Variants in C3orf70 observed in about 807,000 individuals in gnomAD.
The protein encoded by C3orf70 is chromosome 3 open reading frame 70, also known as UPF0524 protein C3orf70.
In C3orf70, 15 loss-of-function variants were observed where a neutral mutation model predicts 20.7. The observed-to-expected ratio is 0.72, with a 90% CI of 0.48 to 1.11. The LOEUF (loss-of-function observed/expected upper bound fraction) is 1.11, where lower values mean the gene tolerates loss of function less well. Among genes scored for constraint, C3orf70 ranks in the 50% most tolerant of loss-of-function variants. The pLI is 0.00. For missense variants in C3orf70, 332 were observed against 317.6 expected, an observed-to-expected ratio of 1.05 and a Z score of -0.34; for synonymous variants, 161 against 125.7, an observed-to-expected ratio of 1.28 and a Z score of -1.88.
At chr3:185,117,023 C>T (rs1039175354) in intron 1 of C3orf70, among the ~76,000 whole-genome samples, 3 of 152,072 alleles carry the variant, frequency 2.0e-5, no homozygotes, top group Admixed American at 6.5e-5. Context: ...CCTCGTGATC[C>T]GCCCGCCTCA....
At chr3:185,139,733 T>C (rs1314931027) in intron 1 of C3orf70, among the ~76,000 whole-genome samples, 2 of 152,094 alleles carry the variant, frequency 1.3e-5, no homozygotes, top group Non-Finnish European at 2.9e-5. Flanking sequence ...AATGGTGGAA[T>C]GATAATCTTT....
Position 185,106,300 on chromosome 3 carries a change from A to T in C3orf70, c.197-22737T>A, listed in dbSNP as rs118002807. On this transcript the variant is annotated intron_variant, in intron 1 of 1. Transcript: ENST00000335012. ...TTCAGGAAAGCACATTTAGTTGATT[A>T]CATCAAGGCCTGTGATGGTATTGGA... 1.1e-4 allele frequency among the ~76,000 whole-genome samples: 16 copies of T among 152,324 alleles called. No individual in the cohort carries two copies. In the East Asian group the frequency reaches 2.7e-3, roughly 26 times the overall value.
rs191270496 is a variant in C3orf70 at position 185,114,195 on chromosome 3, G to A, written c.197-30632C>T. Among the ~76,000 whole-genome samples, 293 of 149,804 alleles carry A rather than the reference G, an allele frequency of 2.0e-3. 3 individuals are homozygous for A. Among genetic ancestry groups the A allele is most frequent in the Non-Finnish European group, 7.8e-4 (53 of 67,940 alleles). On this transcript the variant is annotated intron_variant, in intron 1 of 1. Transcript: ENST00000335012. The stretch of plus-strand genomic sequence containing the variant: ...GTCTGGGCAACAAGAGCAAAACTCC[G>A]CCCCCACCCCCCAAAAAAAGAAAAT...
intron 1 of C3orf70, among the ~76,000 whole-genome samples, chr3:185,101,606 G>T (rs1406039193): frequency 6.6e-6 from 1 of 152,190 alleles, no homozygotes; most frequent in Non-Finnish European, 1.5e-5. Flanking sequence ...AAGGTGAATG[G>T]GAAGCAGGTA....
chr3:185,100,351 G>A (rs760921057), intron 1 of C3orf70, among the ~76,000 whole-genome samples: 6 of 151,880 alleles, frequency 4.0e-5, no homozygotes, highest in East Asian at 1.9e-4. Context: ...CCACACTCTC[G>A]GACCACAGAG....
intron 1 of C3orf70, among the ~76,000 whole-genome samples, chr3:185,084,596 G>A (rs919927147): frequency 4.6e-5 from 7 of 151,898 alleles, no homozygotes; most frequent in Admixed American, 2.0e-4. Context: ...GGATGCAGAG[G>A]ACACCCTGCT....
chr3:185,095,542 C>G (rs1446064969), intron 1 of C3orf70, among the ~76,000 whole-genome samples: 1 of 152,122 alleles, frequency 6.6e-6, no homozygotes, highest in Non-Finnish European at 1.5e-5. Context: ...GAAAAGGGTG[C>G]TAACAAGTCA....
chr3:185,146,890 C>G (rs1716888354), intron 1 of C3orf70, among the ~76,000 whole-genome samples: 1 of 152,218 alleles, frequency 6.6e-6, no homozygotes, highest in Non-Finnish European at 1.5e-5. Flanking sequence ...AAAGTCCTGA[C>G]AGTTGAACCC....
rs1438207407 is a variant in C3orf70 at position 185,076,892 on chromosome 3, G to C, written c.*6115C>G. ...ATAAAAGTGTGTGCAGTCAGCATTT[G>C]TAAGAGGCTACAATGAGATGCCTTC... On this transcript the variant is annotated 3_prime_UTR_variant, in exon 2 of 2. Transcript: ENST00000335012. Among the ~76,000 whole-genome samples, 7 of 152,176 alleles carry C rather than the reference G, an allele frequency of 4.6e-5. No individual in the cohort carries two copies. The highest frequency in any genetic ancestry group is 3.3e-4 in the Admixed American group (5 of 15,272).
intron 1 of C3orf70, among the ~76,000 whole-genome samples, chr3:185,117,462 G>GAA (rs1716204932): frequency 6.6e-6 from 1 of 151,606 alleles, no homozygotes; most frequent in Non-Finnish European, 1.5e-5. Context: ...GAAAGAGAGA[G>GAA]AGAGAGAGAG....
intron 1 of C3orf70, among the ~76,000 whole-genome samples, chr3:185,122,629 G>A (rs572395764): frequency 6.6e-6 from 1 of 152,334 alleles, no homozygotes; most frequent in Admixed American, 6.5e-5. Context: ...GGATCAACTT[G>A]ATTGGATTAA....
intron 1 of C3orf70, among the ~76,000 whole-genome samples, chr3:185,149,794 G>T (rs1440786972): frequency 6.6e-6 from 1 of 152,208 alleles, no homozygotes; most frequent in Admixed American, 6.5e-5. Flanking sequence ...AGGAAGTGTG[G>T]AGAACCGGAG....
At chr3:185,114,052 AGC>A (rs1339018873) in intron 1 of C3orf70, among the ~76,000 whole-genome samples, 2 of 152,058 alleles carry the variant, frequency 1.3e-5, no homozygotes, top group Non-Finnish European at 2.9e-5. Flanking sequence ...ACACAAAATT[AGC>A]CGGCCATGGT....
intron 1 of C3orf70, among the ~76,000 whole-genome samples, chr3:185,118,748 A>G (rs887827381): frequency 2.6e-5 from 4 of 152,216 alleles, no homozygotes; most frequent in Admixed American, 1.3e-4. Context: ...GTATCAGAAC[A>G]CTAAATAAAA....
At chr3:185,091,961 A>T (rs1403508614) in intron 1 of C3orf70, among the ~76,000 whole-genome samples, 106 of 7,216 alleles carry the variant, frequency 0.015, 5 homozygotes, top group African/African-American at 0.06. Flanking sequence ...ATATATATAT[A>T]TATTTTTTTT....
At chr3:185,114,091 T>A (rs1220720647) in intron 1 of C3orf70, among the ~76,000 whole-genome samples, 2 of 152,044 alleles carry the variant, frequency 1.3e-5, no homozygotes, top group Non-Finnish European at 2.9e-5. Flanking sequence ...CCCAGTTACT[T>A]GGGAGGCTGA....
chr3:185,100,790 ACTAC>A (rs1055139778), intron 1 of C3orf70, among the ~76,000 whole-genome samples: 1 of 152,120 alleles, frequency 6.6e-6, no homozygotes, highest in African/African-American at 2.4e-5. Flanking sequence ...AAAATAGATC[ACTAC>A]CTAGACTAAT....
chr3:185,098,918 C>T (rs1715765048), intron 1 of C3orf70, among the ~76,000 whole-genome samples: 1 of 152,166 alleles, frequency 6.6e-6, no homozygotes, highest in South Asian at 2.1e-4. Flanking sequence ...TCTCCAGGGT[C>T]TCCGGCCTGT....
chr3:185,120,765 C>T (rs577845521), intron 1 of C3orf70, among the ~76,000 whole-genome samples: 50 of 149,432 alleles, frequency 3.3e-4, no homozygotes, highest in Admixed American at 2.5e-3. Flanking sequence ...AAAGGGAACA[C>T]TTCTACACTG....
Sources: allele counts gnomAD v4.1 joint callset (sites outside exome capture counted in the v4.1 genomes callset), GRCh38; gene constraint gnomAD v4.1.1; transcripts MANE v1.5; gene names NCBI Gene and HGNC (gene_info 2026-07-23, HGNC 2026-07-21).